Variants in HDAC6 observed in about 807,000 individuals in gnomAD.
HDAC6 encodes the protein protein deacetylase HDAC6.
A neutral mutation model predicts 88.9 loss-of-function variants in HDAC6; 5 were observed. The ratio of observed to expected loss-of-function variants is 0.06; its 90% CI spans 0.03 to 0.12. HDAC6 has a LOEUF of 0.12. Among genes scored for constraint, HDAC6 ranks in the 10% least tolerant of loss-of-function variants. The probability of loss-of-function intolerance (pLI) is 1.00; values close to 1 mark genes in which losing one functional copy is unlikely to be tolerated. For missense variants in HDAC6, 706 were observed against 1,014.4 expected, an observed-to-expected ratio of 0.70 and a Z score of 4.13; for synonymous variants, 378 against 398.0, an observed-to-expected ratio of 0.95 and a Z score of 0.60.
At chrX:48,820,603 G>A (rs1370300723) in intron 23 of HDAC6, among the ~76,000 whole-genome samples, 2 of 111,845 alleles carry the variant, frequency 1.8e-5, no homozygotes, top group Non-Finnish European at 3.8e-5. Context: ...ACTGATGGCA[G>A]AACCAGGACT....
At chrX:48,824,502 CCT>C (rs2063136466) in intron 28 of HDAC6, 40 bp from the exon 29 acceptor site, 1 of 1,146,214 alleles carries the variant, frequency 8.7e-7, no homozygotes, top group Non-Finnish European at 1.2e-6. Flanking sequence ...GTAGAGGGGT[CCT>C]CACTCTCTCT....
rs979079029 is a variant in HDAC6 at position 48,805,619 on chromosome X, A to G, written c.397-12A>G. ...AACCCTTTACCCCACTTTATTCCTC[A>G]TCTCTCCCCAGGCCCGGTTTGCTGA... On this transcript the variant is annotated splice_polypyrimidine_tract_variant and intron_variant, in intron 5 of 28. Coordinates refer to ENST00000334136, the MANE Select transcript of HDAC6 (RefSeq NM_006044.4). The G allele has an allele frequency of 1.4e-5, 17 of 1,184,419 alleles. No individual in the cohort carries two copies. The highest frequency in any genetic ancestry group is 1.8e-5 in the Non-Finnish European group (16 of 880,403).
chrX:48,817,128 T>G (rs1241850728), intron 19 of HDAC6, 198 bp from the exon 20 acceptor site: 2 of 367,819 alleles, frequency 5.4e-6, no homozygotes, highest in Non-Finnish European at 9.0e-6. Context: ...AGCAAGCGCC[T>G]GTAGTCCTAG....
Position 48,802,626 on chromosome X carries a change from CCCCCTCACATACCCACGCTCCT to C in HDAC6, c.-30-32_-30-11del. ...AGGTGGGGTCCTCAGGGCACACTAGCCCCCTCACATACCCACGCTCCTCCCCCCACCCCCAGAACCGCGGCAG... is the reference window on the plus strand; with the variant it reads ...AGGTGGGGTCCTCAGGGCACACTAGCCCCCCCACCCCCAGAACCGCGGCAG... On this transcript the variant is annotated splice_polypyrimidine_tract_variant and intron_variant, in intron 1 of 28. Coordinates refer to ENST00000334136, the MANE Select transcript of HDAC6 (RefSeq NM_006044.4). The C allele has an allele frequency of 1.7e-6, 2 of 1,165,426 alleles. No homozygotes were observed. Among genetic ancestry groups the C allele is most frequent in the Non-Finnish European group, 2.3e-6 (2 of 870,590 alleles).
Position 48,818,153 on chromosome X carries a change from G to A in HDAC6, c.1994+44G>A, listed in dbSNP as rs1557028314. The A allele has an allele frequency of 4.3e-6, 5 of 1,172,001 alleles. No homozygotes were observed. The South Asian group carries it at 9.4e-5, about 22-fold the overall frequency. ...GGCCGCAGTGTGATCAGGGAGGCGGGTGAGCACCTCAGGGGTACTGGAGCC... is the reference window on the plus strand; with the variant it reads ...GGCCGCAGTGTGATCAGGGAGGCGGATGAGCACCTCAGGGGTACTGGAGCC... On this transcript the variant is annotated intron_variant, in intron 21 of 28. Coordinates refer to ENST00000334136, the MANE Select transcript of HDAC6 (RefSeq NM_006044.4).
Position 48,802,936 on chromosome X carries a change from A to G in HDAC6, c.159A>G (p.Lys53=). Residue 53 remains lysine, a synonymous_variant, in exon 3 of 29, where the codon AAA becomes AAG. Coordinates refer to ENST00000334136, the MANE Select transcript of HDAC6 (RefSeq NM_006044.4). The stretch of plus-strand genomic sequence containing the variant: ...CCAATCTAGCGGAGGTAAAGAAGAA[A>G]GGCAAAATGAAGAAGCTCGGCCAAG... ...SIPNLAEVKK[K]GKMKKLGQAM... is the part of the protein sequence containing the mutation. The G allele has an allele frequency of 8.3e-7, 1 of 1,210,063 alleles. No individual in the cohort carries two copies. The highest frequency in any genetic ancestry group is 1.1e-6 in the Non-Finnish European group (1 of 894,440).
At chrX:48,814,387 T>C in intron 10 of HDAC6, 53 bp from the exon 11 acceptor site, 2 of 1,185,117 alleles carry the variant, frequency 1.7e-6, no homozygotes, top group Non-Finnish European at 2.3e-6. Flanking sequence ...GTTGGGGGTG[T>C]CTATGGGGAT....
Position 48,814,953 on chromosome X carries a change from TC to T in HDAC6, c.1060-3del, listed in dbSNP as rs2062959555. On this transcript the variant is annotated splice_polypyrimidine_tract_variant and splice_region_variant and intron_variant, in intron 13 of 28. Coordinates refer to ENST00000334136, the MANE Select transcript of HDAC6 (RefSeq NM_006044.4). ...CATGGAGCCAGGCTGACCCTCCATGTCCCCCCAGGGTGAGATGGCCGCCACT... is the reference window on the plus strand; with the variant it reads ...CATGGAGCCAGGCTGACCCTCCATGTCCCCCAGGGTGAGATGGCCGCCACT... 2 of 1,205,842 alleles carry T rather than the reference TC, an allele frequency of 1.7e-6. No homozygotes were observed. The highest frequency in any genetic ancestry group is 1.8e-5 in the African/African-American group (1 of 56,743).
At chrX:48,802,321 G>A in intron 1 of HDAC6, 179 bp downstream of exon 1, 3 of 884,324 alleles carry the variant, frequency 3.4e-6, no homozygotes, top group Non-Finnish European at 4.2e-6. Context: ...TCTGGGAATG[G>A]GGCTTAGGAG....
In HDAC6 at chrX:48,805,686, G is replaced by C. The variant is rs781857215; in HGVS notation, c.437+15G>C. ...TTGGTTCACAGGTGAAGGCTTGGGAGCCTTGTAGGGATGGGGAGGAGCCTG... is the reference window on the plus strand; with the variant it reads ...TTGGTTCACAGGTGAAGGCTTGGGACCCTTGTAGGGATGGGGAGGAGCCTG... On this transcript the variant is annotated intron_variant, in intron 6 of 28. Coordinates refer to ENST00000334136, the MANE Select transcript of HDAC6 (RefSeq NM_006044.4). 115 of 1,154,019 alleles carry C rather than the reference G, an allele frequency of 1.0e-4. No individual in the cohort carries two copies. Among genetic ancestry groups the C allele is most frequent in the African/African-American group, 1.4e-4 (8 of 55,745 alleles).
chrX:48,821,564 G>A (rs2063084251), intron 23 of HDAC6, among the ~76,000 whole-genome samples: 3 of 99,203 alleles, frequency 3.0e-5, no homozygotes, highest in Admixed American at 1.2e-4. Flanking sequence ...GTGCAATGGC[G>A]CTATCTCGGC....
chrX:48,814,969 T>A lies in HDAC6; in HGVS notation c.1067T>A (p.Met356Lys), dbSNP rs782175804. Reference protein sequence around the residue: ...DALQGDPKGEMAATPAGFAQL... With the variant: ...DALQGDPKGEKAATPAGFAQL... ...CCCTCCATGTCCCCCCAGGGTGAGA[T>A]GGCCGCCACTCCGGCAGGGTTCGCC... is the stretch of plus-strand genomic sequence containing the variant. Residue 356 changes from methionine to lysine, a missense_variant, in exon 14 of 29, where the codon ATG becomes AAG. This residue lies in a region of HDAC6 where 106 missense variants were observed against 135.1 expected (regional missense o/e 0.78). Transcript: ENST00000334136. 9.9e-6 allele frequency: 12 copies of A among 1,206,907 alleles called. No individual in the cohort carries two copies. The highest frequency in any genetic ancestry group is 1.3e-5 in the Non-Finnish European group (12 of 893,856).
intron 4 of HDAC6, among the ~76,000 whole-genome samples, chrX:48,804,485 C>G (rs938982731): frequency 5.3e-5 from 6 of 112,469 alleles, no homozygotes; most frequent in Non-Finnish European, 9.4e-5. Context: ...ACCCCAATAC[C>G]TGATCTTATT....
intron 6 of HDAC6, 27 bp from the exon 7 acceptor site, chrX:48,806,341 T>A (rs2062816564): frequency 7.9e-6 from 8 of 1,007,754 alleles, no homozygotes; most frequent in Non-Finnish European, 1.1e-5. Context: ...GACAGGGCCC[T>A]GAATCTCATC....
intron 10 of HDAC6, chrX:48,813,735 G>A (rs928582166): frequency 3.6e-5 from 4 of 111,813 alleles, no homozygotes; most frequent in Non-Finnish European, 7.5e-5. Flanking sequence ...CTATAAAATA[G>A]AAGAAGTAGT....
Position 48,823,472 on chromosome X carries a change from T to C in HDAC6, c.3073T>C (p.Ser1025Pro). 1 of 1,210,497 alleles carries C rather than the reference T, an allele frequency of 8.3e-7. No individual in the cohort carries two copies. The highest frequency in any genetic ancestry group is 1.1e-6 in the Non-Finnish European group (1 of 894,921). ...CGAGCTGATCCAAACTCCTCTAGCC[T>C]CGAGCACAGACCACCAGACCCCCCC... ...GTELIQTPLA[S>P]STDHQTPPTS... is the part of the protein sequence containing the mutation. Residue 1025 changes from serine to proline, a missense_variant, in exon 25 of 29, where the codon TCG (serine) becomes CCG (proline). Ser to Pro is a moderately conservative substitution (Grantham distance 74). This residue lies in a region of HDAC6 where 112 missense variants were observed against 95.1 expected (regional missense o/e 1.18). Transcript: ENST00000334136.
intron 10 of HDAC6, chrX:48,810,959 C>T (rs1282884332): frequency 9.0e-6 from 1 of 111,313 alleles, no homozygotes; most frequent in Non-Finnish European, 1.9e-5. Context: ...CTCTTTCTTC[C>T]TCTCTGTTTC....
At position 48,823,500 on chromosome X, in the gene HDAC6, C is replaced by T; in HGVS notation, c.3101C>T (p.Thr1034Ile). The T allele has an allele frequency of 8.3e-7, 1 of 1,210,759 alleles. No homozygotes were observed. The highest frequency in any genetic ancestry group is 1.1e-6 in the Non-Finnish European group (1 of 894,894). The change falls in exon 25 of 29, where the codon ACC becomes ATC. Residue 1034 changes from threonine to isoleucine, a missense_variant. Physicochemically the swap from Thr to Ile is moderately conservative, Grantham distance 89. Around this residue, in one of 9 missense-constraint regions of HDAC6, gnomAD observed 112 missense variants for 95.1 expected, o/e 1.18. Coordinates refer to ENST00000334136, the MANE Select transcript of HDAC6 (RefSeq NM_006044.4). ...AGCACAGACCACCAGACCCCCCCAACCTCACCTGTGCAGGGAACTACACCC... is the reference window on the plus strand; with the variant it reads ...AGCACAGACCACCAGACCCCCCCAATCTCACCTGTGCAGGGAACTACACCC... ...ASSTDHQTPP[T>I]SPVQGTTPQI...
intron 10 of HDAC6, among the ~76,000 whole-genome samples, chrX:48,812,350 T>C (rs1209798462): frequency 8.9e-6 from 1 of 112,778 alleles, no homozygotes; most frequent in Non-Finnish European, 1.9e-5. Context: ...AACTGGATAA[T>C]CCTTAAAATA....
Sources: gnomAD v4.1 joint callset for allele counts (sites outside exome capture counted in the v4.1 genomes callset) on GRCh38, gnomAD v4.1.1 for gene constraint, gnomAD v4.1.1 regional missense constraint, MANE v1.5 for transcripts, NCBI Gene and HGNC (gene_info 2026-07-23, HGNC 2026-07-21) for gene names.